FOXP1: variants seen among roughly 807,000 people sequenced by gnomAD.
FOXP1 encodes forkhead box protein P1.
Under a neutral mutation model 98.2 loss-of-function variants are expected in FOXP1, and 15 were observed. The observed-to-expected ratio is 0.15, with a 90% CI of 0.10 to 0.24. The LOEUF is 0.24. Among genes scored for constraint, FOXP1 ranks in the 10% least tolerant of loss-of-function variants. The pLI, the probability that FOXP1 is intolerant of heterozygous loss-of-function variation, is 1.00. For missense variants in FOXP1, 633 were observed against 848.5 expected, an observed-to-expected ratio of 0.75 and a Z score of 3.15; for synonymous variants, 371 against 314.5, an observed-to-expected ratio of 1.18 and a Z score of -1.90.
At chr3:71,063,996 T>C (rs377466496) in intron 7 of FOXP1, among the ~76,000 whole-genome samples, 1 of 152,268 alleles carries the variant, frequency 6.6e-6, no homozygotes, top group African/African-American at 2.4e-5. Context: ...GTTCTGACAG[T>C]TGAGTTAGCT....
chr3:71,123,730 T>C (rs1310953520), intron 6 of FOXP1, among the ~76,000 whole-genome samples: 1 of 152,212 alleles, frequency 6.6e-6, no homozygotes, highest in Non-Finnish European at 1.5e-5. Context: ...TAAGCCACTG[T>C]AGACTCTTGC....
chr3:71,298,740 T>C (rs2073582069), intron 5 of FOXP1, among the ~76,000 whole-genome samples: 2 of 152,000 alleles, frequency 1.3e-5, no homozygotes, highest in Admixed American at 1.3e-4. Flanking sequence ...CAAATCCATA[T>C]CCTTTATATA....
intron 2 of FOXP1, among the ~76,000 whole-genome samples, chr3:71,508,357 AGC>A (rs1353480078): frequency 6.6e-6 from 1 of 152,228 alleles, no homozygotes; most frequent in Admixed American, 6.5e-5. Context: ...CTCAAATGGC[AGC>A]CACCATCTTT....
chr3:70,986,082 C>A (rs138909487), intron 14 of FOXP1, among the ~76,000 whole-genome samples: 1 of 152,016 alleles, frequency 6.6e-6, no homozygotes, highest in South Asian at 2.1e-4. Context: ...TAGGAGGTCC[C>A]CTTCAAAGTT....
chr3:71,234,211 C>A (rs963890872), intron 5 of FOXP1, among the ~76,000 whole-genome samples: 8 of 151,850 alleles, frequency 5.3e-5, no homozygotes, highest in Non-Finnish European at 4.4e-5. Context: ...AACCAAAAAT[C>A]TTTTTGGATA....
At chr3:71,396,966 G>GTATATATATATATATATACACATATATA (rs2081455366) in intron 3 of FOXP1, among the ~76,000 whole-genome samples, 2 of 15,970 alleles carry the variant, frequency 1.3e-4, no homozygotes, top group Non-Finnish European at 4.2e-4. Context: ...ATATATATGT[G>GTATATATATATATATATACACATATATA]TGTATATATA....
At chr3:71,583,381 A>AGGGCTTGGGCT in intron 1 of FOXP1, 190 bp downstream of exon 1, 16 of 830,242 alleles carry the variant, frequency 1.9e-5, no homozygotes, top group Non-Finnish European at 2.3e-5. Flanking sequence ...AAGAGAGGGG[A>AGGGCTTGGGCT]GGGCTGGGGG....
chr3:71,426,820 T>C (rs1245117079), intron 3 of FOXP1, among the ~76,000 whole-genome samples: 2 of 152,148 alleles, frequency 1.3e-5, no homozygotes, highest in Non-Finnish European at 2.9e-5. Flanking sequence ...CCCAGCACTT[T>C]GGAAGGCCAA....
At chr3:71,514,928 G>C (rs1198828206) in intron 2 of FOXP1, among the ~76,000 whole-genome samples, 4 of 152,134 alleles carry the variant, frequency 2.6e-5, no homozygotes, top group African/African-American at 9.7e-5. Context: ...AAGAAAAACA[G>C]TTCAAAGATG....
intron 4 of FOXP1, among the ~76,000 whole-genome samples, chr3:71,357,093 AG>A (rs2078214176): frequency 6.6e-6 from 1 of 152,178 alleles, no homozygotes. Flanking sequence ...AGTCTACATA[AG>A]AACAGAGGGA....
chr3:70,958,932 A>G lies in FOXP1; in HGVS notation c.*315T>C. 1 of 429,508 alleles carries G rather than the reference A, an allele frequency of 2.3e-6. No individual in the cohort carries two copies. Among genetic ancestry groups the G allele is most frequent in the Non-Finnish European group, 4.4e-6 (1 of 229,246 alleles). The allele number at this position is 429,508 out of a possible 1,614,324, so 26.6% of individuals were successfully genotyped here. A position where few individuals can be genotyped will look rare whatever the true frequency, so the allele number is the denominator to read the frequency against. On this transcript the variant is annotated 3_prime_UTR_variant, in exon 21 of 21. Transcript: ENST00000649528. ...GGACTGCAGTTCAAAGTCTGCTGCT[A>G]AAAGTGAATCAGTTTAGCAAATTTA... is the stretch of plus-strand genomic sequence containing the variant.
In FOXP1 at chr3:71,517,675, T is replaced by C. The variant is rs563676841; in HGVS notation, c.-297-24120A>G. Among the ~76,000 whole-genome samples the C allele has an allele frequency of 4.3e-4, 65 of 152,338 alleles. 1 individual carries two copies. The highest frequency in any genetic ancestry group is 1.3e-4 in the Non-Finnish European group (9 of 68,026). ...CCAGAGAGAAGAGAAAACACTCTCT[T>C]TTATTGAATACTGGCTCAGCAAGCT... On this transcript the variant is annotated intron_variant, in intron 2 of 20. Transcript: ENST00000649528.
chr3:71,356,556 C>T (rs1352158719), intron 4 of FOXP1, among the ~76,000 whole-genome samples: 1 of 152,166 alleles, frequency 6.6e-6, no homozygotes, highest in Non-Finnish European at 1.5e-5. Flanking sequence ...TTATGATGTA[C>T]CAGGATCCGT....
intron 2 of FOXP1, among the ~76,000 whole-genome samples, chr3:71,495,454 C>T (rs1157870208): frequency 6.6e-6 from 1 of 152,210 alleles, no homozygotes; most frequent in African/African-American, 2.4e-5. Flanking sequence ...AAATGCCCAG[C>T]TCATAGCAAG....
intron 4 of FOXP1, among the ~76,000 whole-genome samples, chr3:71,345,034 T>A (rs987756500): frequency 1.3e-5 from 2 of 152,198 alleles, no homozygotes; most frequent in South Asian, 4.1e-4. Context: ...GATTCATTTG[T>A]AATTGAATCA....
intron 2 of FOXP1, among the ~76,000 whole-genome samples, chr3:71,504,865 A>C (rs1377274342): frequency 6.6e-6 from 1 of 152,196 alleles, no homozygotes; most frequent in Non-Finnish European, 1.5e-5. Flanking sequence ...TTCTAACACC[A>C]ACTAACATGT....
At chr3:71,380,158 T>C (rs569469756) in intron 3 of FOXP1, among the ~76,000 whole-genome samples, 2 of 152,266 alleles carry the variant, frequency 1.3e-5, no homozygotes, top group African/African-American at 4.8e-5. Flanking sequence ...CCAAAGACTA[T>C]GTAAATAAGA....
chr3:71,477,741 C>T (rs1041600902), intron 3 of FOXP1, among the ~76,000 whole-genome samples: 1 of 152,112 alleles, frequency 6.6e-6, no homozygotes, highest in African/African-American at 2.4e-5. Context: ...GACTGAAATC[C>T]TGTCAGATTA....
intron 3 of FOXP1, among the ~76,000 whole-genome samples, chr3:71,434,279 C>T (rs760652910): frequency 4.6e-5 from 7 of 151,946 alleles, no homozygotes; most frequent in South Asian, 2.1e-4. Context: ...TAGAGCCCCC[C>T]CGAAGACTTG....
Sources: allele counts gnomAD v4.1 joint callset (sites outside exome capture counted in the v4.1 genomes callset), GRCh38; gene constraint gnomAD v4.1.1; transcripts MANE v1.5; gene names NCBI Gene and HGNC (gene_info 2026-07-23, HGNC 2026-07-21).